The following ADCY10 variants were observed in gnomAD, a reference collection of about 807,000 sequenced individuals.
The protein encoded by ADCY10 is adenylate cyclase 10.
Under a neutral mutation model 183.3 loss-of-function variants are expected in ADCY10, and 156 were observed. That is an observed-to-expected ratio of 0.85 (90% confidence interval 0.75 to 0.97). The LOEUF is 0.97. Ranked by LOEUF, ADCY10 falls within the 50% of genes least tolerant of loss-of-function variation. The pLI, the probability that ADCY10 is intolerant of heterozygous loss-of-function variation, is 0.00. For missense variants in ADCY10, 1,745 were observed against 1,934.3 expected (o/e 0.90, Z 1.84); for synonymous variants, 645 against 670.0 (o/e 0.96, Z 0.58).
Position 167,903,927 on chromosome 1 carries a change from C to T in ADCY10, c.213G>A (p.Leu71=), listed in dbSNP as rs1442313070. The T allele has an allele frequency of 5.0e-6, 8 of 1,613,914 alleles. No individual in the cohort carries two copies. The highest frequency in any genetic ancestry group is 2.2e-5 in the East Asian group (1 of 44,878). The part of the protein sequence containing the change: ...AMYMDRGAEQ[L]VEILNYHISA... ...TTATGTGGTAGTTGAGGATCTCCACCAACTGCTCAGCCCCTCTGTCCATGT... is the reference window on the plus strand; with the variant it reads ...TTATGTGGTAGTTGAGGATCTCCACTAACTGCTCAGCCCCTCTGTCCATGT... The change falls in exon 3 of 33, where the codon TTG becomes TTA. Residue 71 remains leucine (L), a synonymous_variant. Transcript: ENST00000367851.
intron 21 of ADCY10, among the ~76,000 whole-genome samples, chr1:167,842,951 G>A (rs765434621): frequency 1.1e-4 from 16 of 152,132 alleles, no homozygotes; most frequent in South Asian, 2.1e-4. Flanking sequence ...TGTGTGGGAC[G>A]GTCGGCCATG....
chr1:167,893,033 G>A (rs1218388332), intron 8 of ADCY10, among the ~76,000 whole-genome samples: 1 of 152,184 alleles, frequency 6.6e-6, no homozygotes, highest in East Asian at 1.9e-4. Flanking sequence ...CATATGGTGA[G>A]TGATAAGAGA....
intron 15 of ADCY10, among the ~76,000 whole-genome samples, chr1:167,860,414 G>C (rs918141709): frequency 5.3e-5 from 8 of 152,190 alleles, no homozygotes; most frequent in Non-Finnish European, 1.5e-5. Context: ...GTGAGCAATG[G>C]GGAGTGGCTA....
At chr1:167,848,630 C>G (rs1665239568) in intron 18 of ADCY10, 141 bp from the exon 19 acceptor site, 1 of 973,036 alleles carries the variant, frequency 1.0e-6, no homozygotes, top group African/African-American at 1.7e-5. Flanking sequence ...TTCTGGAAAC[C>G]TTTTTTTTGT....
intron 1 of ADCY10, among the ~76,000 whole-genome samples, chr1:167,912,962 A>T (rs571360135): frequency 1.8e-4 from 27 of 152,322 alleles, no homozygotes; most frequent in African/African-American, 6.0e-4. Context: ...TGTTGTTTCT[A>T]CTATATCATG....
At chr1:167,890,343 G>T (rs1668503933) in intron 8 of ADCY10, among the ~76,000 whole-genome samples, 1 of 152,178 alleles carries the variant, frequency 6.6e-6, no homozygotes, top group Non-Finnish European at 1.5e-5. Flanking sequence ...ATAAGATCCA[G>T]AAGAATTCTC....
intron 12 of ADCY10, among the ~76,000 whole-genome samples, chr1:167,876,768 T>C (rs1258320329): frequency 6.6e-6 from 1 of 152,100 alleles, no homozygotes; most frequent in African/African-American, 2.4e-5. Flanking sequence ...CTTGGCAGAG[T>C]CCTCTCATTC....
At chr1:167,883,787 G>C (rs1337439309) in intron 8 of ADCY10, among the ~76,000 whole-genome samples, 159 bp from the exon 9 acceptor site, 1 of 152,096 alleles carries the variant, frequency 6.6e-6, no homozygotes, top group African/African-American at 2.4e-5. Flanking sequence ...GGAGCAGATG[G>C]AAATATAATC....
At chr1:167,893,057 C>T (rs1349083892) in intron 8 of ADCY10, among the ~76,000 whole-genome samples, 2 of 152,120 alleles carry the variant, frequency 1.3e-5, no homozygotes, top group Non-Finnish European at 2.9e-5. Flanking sequence ...TTATAATTCA[C>T]ATGGAATAAT....
At chr1:167,888,913 C>T (rs1480550832) in intron 8 of ADCY10, among the ~76,000 whole-genome samples, 1 of 149,472 alleles carries the variant, frequency 6.7e-6, no homozygotes, top group Non-Finnish European at 1.5e-5. Flanking sequence ...AAAAGAAATG[C>T]TGATTTTTGT....
intron 3 of ADCY10, among the ~76,000 whole-genome samples, chr1:167,903,531 T>C (rs767462631): frequency 1.2e-4 from 18 of 152,060 alleles, no homozygotes; most frequent in Middle Eastern, 3.2e-3. Flanking sequence ...GCCACTGCAC[T>C]CCAGCCTGGG....
Position 167,899,644 on chromosome 1 carries a change from G to A in ADCY10, c.437-16C>T, listed in dbSNP as rs1669255381. 6.2e-7 allele frequency: 1 copy of A among 1,612,874 alleles called. No homozygotes were observed. Among genetic ancestry groups the A allele is most frequent in the Non-Finnish European group, 8.5e-7 (1 of 1,179,574 alleles). ...GCAGCCAGTCCTGGCAAGAAGGCAA[G>A]GAATAGGTTTGCACAAGAAGTTCTG... On this transcript the variant is annotated splice_polypyrimidine_tract_variant and intron_variant, in intron 5 of 32. Transcript: ENST00000367851.
chr1:167,845,974 G>A lies in ADCY10; in HGVS notation c.2716+11C>T, dbSNP rs776844922. 9.9e-6 allele frequency: 16 copies of A among 1,614,164 alleles called. No homozygotes were observed. The highest frequency in any genetic ancestry group is 1.4e-5 in the Non-Finnish European group (16 of 1,180,040). On this transcript the variant is annotated intron_variant, in intron 20 of 32. Coordinates refer to ENST00000367851, the MANE Select transcript of ADCY10 (RefSeq NM_018417.6). Reference sequence around the variant, plus strand: ...TTAAGAGGAAATTGGGTCACTCCAGGTGCTACTCACCCATCCCTTCACTGG... The same window carrying A: ...TTAAGAGGAAATTGGGTCACTCCAGATGCTACTCACCCATCCCTTCACTGG...
At chr1:167,865,819 C>T (rs1666637281) in intron 14 of ADCY10, among the ~76,000 whole-genome samples, 1 of 152,142 alleles carries the variant, frequency 6.6e-6, no homozygotes, top group African/African-American at 2.4e-5. Flanking sequence ...GGCCAGAGGC[C>T]CTCATTGTCC....
chr1:167,813,506 T>TA (rs1193186358), intron 31 of ADCY10, among the ~76,000 whole-genome samples: 2 of 150,862 alleles, frequency 1.3e-5, no homozygotes, highest in East Asian at 3.9e-4. Flanking sequence ...GCCCACGCCT[T>TA]AAAAAAAAGA....
intron 18 of ADCY10, 144 bp downstream of exon 18, chr1:167,854,209 C>T (rs1042752251): frequency 3.0e-5 from 30 of 993,202 alleles, no homozygotes; most frequent in Middle Eastern, 2.4e-4. Context: ...TCTGGAATAT[C>T]GGATCCAATA....
chr1:167,854,640 CTTTT>C, intron 17 of ADCY10, 151 bp from the exon 18 acceptor site: 2 of 945,484 alleles, frequency 2.1e-6, no homozygotes, highest in Non-Finnish European at 1.6e-6. Context: ...GCTTTGTTTT[CTTTT>C]TATTTCACTC....
chr1:167,870,757 C>T (rs10800331), intron 13 of ADCY10, among the ~76,000 whole-genome samples: 47,752 of 150,736 alleles, frequency 0.32, 7,991 homozygotes, highest in East Asian at 0.54. Flanking sequence ...TGCAGCGAGC[C>T]GGGATCCTGC....
chr1:167,818,659 TC>T (rs1662679635), intron 30 of ADCY10, among the ~76,000 whole-genome samples: 1 of 152,150 alleles, frequency 6.6e-6, no homozygotes, highest in South Asian at 2.1e-4. Flanking sequence ...TGCCTCAGCC[TC>T]CCGAGTAGCT....
Sources: gnomAD v4.1 joint callset for allele counts (sites outside exome capture counted in the v4.1 genomes callset) on GRCh38, gnomAD v4.1.1 for gene constraint, MANE v1.5 for transcripts, NCBI Gene and HGNC (gene_info 2026-07-23, HGNC 2026-07-21) for gene names.